CCDC6: variants seen among roughly 807,000 people sequenced by gnomAD.
CCDC6 encodes the protein coiled-coil domain containing 6.
Under a neutral mutation model 56.6 loss-of-function variants are expected in CCDC6, and 20 were observed. That is an observed-to-expected ratio of 0.35 (90% CI 0.25 to 0.51). The LOEUF (loss-of-function observed/expected upper bound fraction) is 0.51, where lower values mean the gene tolerates loss of function less well. Among genes scored for constraint, CCDC6 ranks in the 20% least tolerant of loss-of-function variants. The pLI is 0.95. For missense variants in CCDC6, 367 were observed against 601.1 expected (o/e 0.61, Z 4.07); for synonymous variants, 241 against 234.4 (o/e 1.03, Z -0.26).
At chr10:59,843,052 CT>C (rs1219203468) in intron 2 of CCDC6, among the ~76,000 whole-genome samples, 3 of 151,150 alleles carry the variant, frequency 2.0e-5, no homozygotes, top group African/African-American at 7.3e-5. Flanking sequence ...CACACCCGGC[CT>C]TTTTTTGTAT....
chr10:59,878,782 G>T (rs977043239), intron 1 of CCDC6, among the ~76,000 whole-genome samples: 2 of 152,266 alleles, frequency 1.3e-5, no homozygotes, highest in African/African-American at 4.8e-5. Flanking sequence ...AGAGATTTCA[G>T]TGCCTCCATG....
intron 2 of CCDC6, among the ~76,000 whole-genome samples, chr10:59,833,654 G>GGGGT (rs79707242): frequency 2.1e-5 from 1 of 47,872 alleles, no homozygotes. Flanking sequence ...GGGGGGGGGG[G>GGGGT]TTTGTTGATC....
chr10:59,900,166 G>A (rs1230890579), intron 1 of CCDC6, among the ~76,000 whole-genome samples: 2 of 152,072 alleles, frequency 1.3e-5, no homozygotes, highest in East Asian at 1.9e-4. Context: ...CACATGAACC[G>A]GGAAAGATCT....
chr10:59,817,014 G>A (rs186277925), intron 3 of CCDC6, among the ~76,000 whole-genome samples: 8 of 152,272 alleles, frequency 5.3e-5, no homozygotes, highest in South Asian at 2.1e-4. Flanking sequence ...ATATTGTGCC[G>A]CAAAGTTGGG....
intron 2 of CCDC6, among the ~76,000 whole-genome samples, chr10:59,845,354 T>G (rs1382290556): frequency 2.7e-5 from 4 of 148,806 alleles, no homozygotes; most frequent in African/African-American, 7.4e-5. Flanking sequence ...GGGTTTTTTT[T>G]TTTTTTTTTT....
Position 59,791,290 on chromosome 10 carries a change from G to A in CCDC6, c.*1627C>T, listed in dbSNP as rs1014493174. The A allele has an allele frequency of 1.5e-5, 3 of 200,712 alleles. No individual in the cohort carries two copies. Among genetic ancestry groups the A allele is most frequent in the Non-Finnish European group, 3.1e-5 (3 of 97,590 alleles). The allele number at this position is 200,712 out of a possible 1,614,324, so 12.4% of individuals were successfully genotyped here. On this transcript the variant is annotated 3_prime_UTR_variant, in exon 9 of 9. Transcript: ENST00000263102. ...TTTGGGGGTGGAAGCAGGAAGAGGT[G>A]AAAAAATCTTATTGTTGCTTTTACT...
chr10:59,844,774 G>A (rs1024889965), intron 2 of CCDC6, among the ~76,000 whole-genome samples: 6 of 150,740 alleles, frequency 4.0e-5, no homozygotes, highest in Non-Finnish European at 7.4e-5. Context: ...GAGAGAGAGA[G>A]AGAGAAAATC....
At chr10:59,880,898 T>C (rs2071328394) in intron 1 of CCDC6, among the ~76,000 whole-genome samples, 1 of 152,190 alleles carries the variant, frequency 6.6e-6, no homozygotes, top group Non-Finnish European at 1.5e-5. Flanking sequence ...GATGTCCTGC[T>C]ATCCAGTCTC....
intron 8 of CCDC6, among the ~76,000 whole-genome samples, chr10:59,793,610 C>T (rs899668661): frequency 6.6e-6 from 1 of 152,054 alleles, no homozygotes; most frequent in Admixed American, 6.6e-5. Context: ...AGGGCAAAAC[C>T]CCGTCTCTAT....
At chr10:59,848,859 G>A (rs1221618428) in intron 2 of CCDC6, among the ~76,000 whole-genome samples, 2 of 152,104 alleles carry the variant, frequency 1.3e-5, no homozygotes, top group South Asian at 2.1e-4. Flanking sequence ...GATTACAGGC[G>A]TGTGCCACCA....
At chr10:59,879,673 T>TGA (rs1385730822) in intron 1 of CCDC6, among the ~76,000 whole-genome samples, 1 of 152,204 alleles carries the variant, frequency 6.6e-6, no homozygotes, top group Non-Finnish European at 1.5e-5. Flanking sequence ...CTAAAGGTAC[T>TGA]GAGATACCCA....
At position 59,791,451 on chromosome 10, in the gene CCDC6, C is replaced by T. The variant is rs2070467034; in HGVS notation, c.*1466G>A. 1 of 196,444 alleles carries T rather than the reference C, an allele frequency of 5.1e-6. No homozygotes were observed. Among genetic ancestry groups the T allele is most frequent in the African/African-American group, 2.3e-5 (1 of 43,264 alleles). The allele number at this position is 196,444 out of a possible 1,614,324, so 12.2% of individuals were successfully genotyped here. On this transcript the variant is annotated 3_prime_UTR_variant, in exon 9 of 9. Coordinates refer to ENST00000263102, the MANE Select transcript of CCDC6 (RefSeq NM_005436.5). ...GTACAATATTAAATATCTACAATGT[C>T]ATGGTTCCTTATTTTTAGGAGTGTG...
intron 1 of CCDC6, among the ~76,000 whole-genome samples, chr10:59,859,610 C>A (rs142187371): frequency 1.3e-5 from 2 of 151,910 alleles, no homozygotes; most frequent in Non-Finnish European, 2.9e-5. Context: ...ACCTAACAAT[C>A]CAAAATGTGG....
At chr10:59,902,355 G>A (rs1431263456) in intron 1 of CCDC6, among the ~76,000 whole-genome samples, 1 of 150,064 alleles carries the variant, frequency 6.7e-6, no homozygotes, top group Non-Finnish European at 1.5e-5. Flanking sequence ...CTAGAACACT[G>A]ACTACAGCAA....
At chr10:59,827,697 G>A (rs1219401556) in intron 3 of CCDC6, among the ~76,000 whole-genome samples, 1 of 152,132 alleles carries the variant, frequency 6.6e-6, no homozygotes, top group Admixed American at 6.6e-5. Context: ...TTATATATGG[G>A]TTTTAGTGCT....
chr10:59,800,805 A>G (rs2070568840), intron 7 of CCDC6, among the ~76,000 whole-genome samples: 1 of 152,158 alleles, frequency 6.6e-6, no homozygotes, highest in Non-Finnish European at 1.5e-5. Flanking sequence ...GCCAAACCAC[A>G]AACACCAGCT....
intron 3 of CCDC6, among the ~76,000 whole-genome samples, chr10:59,823,126 T>C (rs1397434784): frequency 6.6e-6 from 1 of 152,104 alleles, no homozygotes; most frequent in Admixed American, 6.5e-5. Context: ...ATCCTTCAAT[T>C]CATTTGTGCA....
intron 2 of CCDC6, among the ~76,000 whole-genome samples, chr10:59,843,743 T>G (rs560515359): frequency 6.6e-6 from 1 of 152,216 alleles, no homozygotes; most frequent in African/African-American, 2.4e-5. Flanking sequence ...CTAAGCACCA[T>G]AAGTCTGGGT....
chr10:59,829,376 T>G (rs1224216333), intron 3 of CCDC6, among the ~76,000 whole-genome samples: 1 of 152,220 alleles, frequency 6.6e-6, no homozygotes, highest in East Asian at 1.9e-4. Context: ...TTTCCACAAT[T>G]TTAAGGAGAG....
Sources: allele counts gnomAD v4.1 joint callset (sites outside exome capture counted in the v4.1 genomes callset), GRCh38; gene constraint gnomAD v4.1.1; transcripts MANE v1.5; gene names NCBI Gene and HGNC (gene_info 2026-07-23, HGNC 2026-07-21).